RALGAPA1: variants seen among roughly 807,000 people sequenced by gnomAD.
The protein encoded by RALGAPA1 is ral GTPase-activating protein subunit alpha-1.
A neutral mutation model predicts 269.6 loss-of-function variants in RALGAPA1; 52 were observed. The observed-to-expected ratio is 0.19, with a 90% CI of 0.15 to 0.24. The LOEUF is 0.24. Ranked by LOEUF, RALGAPA1 falls within the 10% of genes least tolerant of loss-of-function variation. The pLI is 1.00. For missense variants in RALGAPA1, 1,917 were observed against 3,013.9 expected, an observed-to-expected ratio of 0.64 and a Z score of 8.52; for synonymous variants, 817 against 1,008.3, an observed-to-expected ratio of 0.81 and a Z score of 3.60.
Position 35,806,243 on chromosome 14 carries a change from T to C in RALGAPA1, c.106+2487A>G, listed in dbSNP as rs182620422. ...GAGGACTGAACTGTTAGCTGTAAAG[T>C]AGAACAAAACTAACACTAAGTCAAT... On this transcript the variant is annotated intron_variant, in intron 1 of 41. Coordinates refer to ENST00000680220, the MANE Select transcript of RALGAPA1 (RefSeq NM_001346249.2). Among the ~76,000 whole-genome samples the C allele has an allele frequency of 2.4e-4, 36 of 152,226 alleles. No individual in the cohort carries two copies. In the East Asian group the frequency reaches 6.6e-3, roughly 28 times the overall value.
chr14:35,554,550 T>G (rs1017718015), intron 39 of RALGAPA1, among the ~76,000 whole-genome samples: 1 of 151,100 alleles, frequency 6.6e-6, no homozygotes, highest in Non-Finnish European at 1.5e-5. Context: ...GTTTCACCGT[T>G]TTAGCCGGGA....
At chr14:35,544,220 A>AT (rs1367767918) in intron 41 of RALGAPA1, among the ~76,000 whole-genome samples, 1 of 152,172 alleles carries the variant, frequency 6.6e-6, no homozygotes, top group Non-Finnish European at 1.5e-5. Flanking sequence ...GGGAAAAGAG[A>AT]TTTTTCAATG....
chr14:35,543,978 G>A (rs1340111208), intron 41 of RALGAPA1, among the ~76,000 whole-genome samples: 1 of 152,110 alleles, frequency 6.6e-6, no homozygotes, highest in Non-Finnish European at 1.5e-5. Flanking sequence ...GAGAAATAAA[G>A]GCAAACATGT....
intron 7 of RALGAPA1, among the ~76,000 whole-genome samples, chr14:35,754,684 C>A (rs1187595716): frequency 1.3e-5 from 2 of 152,110 alleles, no homozygotes; most frequent in Non-Finnish European, 2.9e-5. Flanking sequence ...AATATATACC[C>A]CTACTATTTG....
chr14:35,775,906 TA>T (rs1408512381), intron 1 of RALGAPA1, among the ~76,000 whole-genome samples, 161 bp from the exon 2 acceptor site: 3 of 152,220 alleles, frequency 2.0e-5, no homozygotes, highest in African/African-American at 7.2e-5. Flanking sequence ...TCCTCGTTCT[TA>T]AAACTTTAGT....
At chr14:35,549,288 AT>A in intron 39 of RALGAPA1, 54 bp from the exon 40 acceptor site, 10 of 1,568,232 alleles carry the variant, frequency 6.4e-6, no homozygotes, top group Non-Finnish European at 7.8e-6. Flanking sequence ...TGGAAAAAAA[AT>A]CTTATCAAAA....
chr14:35,643,186 G>A (rs966658393), intron 31 of RALGAPA1, among the ~76,000 whole-genome samples: 2 of 151,574 alleles, frequency 1.3e-5, no homozygotes, highest in South Asian at 2.1e-4. Flanking sequence ...CTTTCGAGGG[G>A]TGGGGGGAGG....
chr14:35,664,279 C>G (rs1232994030), intron 27 of RALGAPA1, among the ~76,000 whole-genome samples: 1 of 152,112 alleles, frequency 6.6e-6, no homozygotes, highest in Non-Finnish European at 1.5e-5. Flanking sequence ...CACTGAGAAA[C>G]TGGGAGAAGG....
chr14:35,550,628 A>AC (rs1456835586), intron 39 of RALGAPA1, among the ~76,000 whole-genome samples: 3 of 152,204 alleles, frequency 2.0e-5, no homozygotes, highest in African/African-American at 7.2e-5. Flanking sequence ...TATAAGAGTT[A>AC]AAGGCAAGAC....
intron 4 of RALGAPA1, among the ~76,000 whole-genome samples, chr14:35,769,271 G>A (rs2141474727): frequency 6.6e-6 from 1 of 151,884 alleles, no homozygotes; most frequent in Non-Finnish European, 1.5e-5. Flanking sequence ...TAAAAAGAAT[G>A]AAATCATGTC....
At chr14:35,580,360 T>C (rs1353429120) in intron 37 of RALGAPA1, among the ~76,000 whole-genome samples, 1 of 152,188 alleles carries the variant, frequency 6.6e-6, no homozygotes, top group Admixed American at 6.5e-5. Context: ...TGCAGCACTT[T>C]TGATTTTTAG....
chr14:35,684,033 A>G (rs2065703697), intron 20 of RALGAPA1, 48 bp from the exon 21 acceptor site: 1 of 1,496,050 alleles, frequency 6.7e-7, no homozygotes, highest in East Asian at 2.3e-5. Flanking sequence ...TACAAAGTAA[A>G]AATATTTACG....
intron 39 of RALGAPA1, among the ~76,000 whole-genome samples, chr14:35,559,623 C>T (rs377213651): frequency 2.6e-5 from 4 of 152,154 alleles, no homozygotes; most frequent in Non-Finnish European, 4.4e-5. Context: ...TCTTTCTTCT[C>T]GTGCACTGTG....
intron 5 of RALGAPA1, among the ~76,000 whole-genome samples, chr14:35,761,951 T>G (rs1336267159): frequency 1.3e-5 from 2 of 152,196 alleles, no homozygotes; most frequent in Non-Finnish European, 2.9e-5. Flanking sequence ...TTACCTAACC[T>G]ACAGCAAGAT....
intron 30 of RALGAPA1, among the ~76,000 whole-genome samples, chr14:35,653,860 GA>G (rs1209489218): frequency 1.3e-5 from 2 of 151,690 alleles, no homozygotes; most frequent in East Asian, 1.9e-4. Context: ...AAAGAGGAAA[GA>G]AAAAAAATAA....
At chr14:35,625,478 T>C in intron 34 of RALGAPA1, 46 bp from the exon 35 acceptor site, 1 of 1,379,938 alleles carries the variant, frequency 7.2e-7, no homozygotes, top group Non-Finnish European at 1.0e-6. Context: ...TTGCAGTGAA[T>C]GACAAGACAG....
intron 1 of RALGAPA1, among the ~76,000 whole-genome samples, chr14:35,793,238 C>CTTTT (rs762905743): frequency 7.1e-6 from 1 of 141,056 alleles, no homozygotes. Flanking sequence ...CCAAAGTCTA[C>CTTTT]TTTTTTTTTT....
At chr14:35,781,016 G>T (rs554568961) in intron 1 of RALGAPA1, among the ~76,000 whole-genome samples, 72 of 151,924 alleles carry the variant, frequency 4.7e-4, no homozygotes, top group Middle Eastern at 3.4e-3. Context: ...AGGAAATAAA[G>T]ATTAGAAAGG....
chr14:35,658,274 C>G (rs2063328280), intron 28 of RALGAPA1, among the ~76,000 whole-genome samples: 2 of 152,130 alleles, frequency 1.3e-5, no homozygotes, highest in Admixed American at 1.3e-4. Flanking sequence ...AAAACTGGAG[C>G]TATGTCTTAA....
Sources: allele counts gnomAD v4.1 joint callset (sites outside exome capture counted in the v4.1 genomes callset), GRCh38; gene constraint gnomAD v4.1.1; transcripts MANE v1.5; gene names NCBI Gene and HGNC (gene_info 2026-07-23, HGNC 2026-07-21).